The following MBD1 variants were observed in gnomAD, a reference collection of about 807,000 sequenced individuals.
The protein encoded by MBD1 is methyl-CpG-binding domain protein 1.
MBD1 carries 25 observed loss-of-function variants against 82.6 expected under a neutral mutation model. The observed-to-expected ratio is 0.30, with a 90% CI of 0.22 to 0.42. The LOEUF (loss-of-function observed/expected upper bound fraction) is 0.42, where lower values mean the gene tolerates loss of function less well. MBD1 is among the 10% of genes least tolerant of loss of function. MBD1 has a pLI of 1.00. For missense variants in MBD1, 627 were observed against 819.6 expected (o/e 0.76, Z 2.87); for synonymous variants, 301 against 303.7 (o/e 0.99, Z 0.09).
intron 13 of MBD1, 62 bp from the exon 14 acceptor site, chr18:50,273,017 A>G: frequency 6.3e-7 from 1 of 1,597,464 alleles, no homozygotes; most frequent in African/African-American, 1.3e-5. Context: ...GAAAGTCTCT[A>G]TCAGCCAACC....
At chr18:50,276,011 G>T (rs1203323287) in intron 6 of MBD1, 30 bp from the exon 7 acceptor site, 1 of 1,603,234 alleles carries the variant, frequency 6.2e-7, no homozygotes, top group Non-Finnish European at 8.5e-7. Context: ...CGAGATCACG[G>T]GCCTGCTCCA....
intron 5 of MBD1, 70 bp from the exon 6 acceptor site, chr18:50,276,488 G>T: frequency 6.5e-7 from 1 of 1,531,288 alleles, no homozygotes; most frequent in Non-Finnish European, 9.0e-7. Context: ...CTCACTGCCT[G>T]TGCCCTGACT....
chr18:50,270,012 TA>T, intron 16 of MBD1, 194 bp from the exon 17 acceptor site: 1 of 1,597,966 alleles, frequency 6.3e-7, no homozygotes, highest in Non-Finnish European at 8.5e-7. Context: ...CTCATGAGTC[TA>T]AATGTCAATC....
At chr18:50,275,784 GGGGCCAGGGGCCGA>G in intron 7 of MBD1, 37 bp downstream of exon 7, 1 of 1,614,084 alleles carries the variant, frequency 6.2e-7, no homozygotes, top group Non-Finnish European at 8.5e-7. Flanking sequence ...CAAGCCCATG[GGGGCCAGGGGCCGA>G]GGTGAGCCTT....
downstream of MBD1, chr18:50,268,727 C>G: frequency 5.1e-6 from 1 of 198,014 alleles, no homozygotes; most frequent in East Asian, 1.9e-4. Context: ...GTGAATCGCT[C>G]AGGGTCCTTG....
In MBD1 at chr18:50,269,711, G is replaced by A. The variant is rs910992516; in HGVS notation, c.*140C>T. ...TGGAGGTGGTGAGAGACTGACATGG[G>A]TTCCAGGCCATCCTCGTGGGTTCCA... On this transcript the variant is annotated 3_prime_UTR_variant, in exon 17 of 17. Coordinates refer to ENST00000269468, the MANE Select transcript of MBD1 (RefSeq NM_015846.4). The A allele has an allele frequency of 2.6e-6, 2 of 780,626 alleles. No individual in the cohort carries two copies. Among genetic ancestry groups the A allele is most frequent in the Admixed American group, 1.7e-5 (1 of 58,962 alleles). The allele number at this position is 780,626 out of a possible 1,614,324, so 48.4% of individuals were successfully genotyped here. A position where few individuals can be genotyped will look rare whatever the true frequency, so the allele number is the denominator to read the frequency against.
chr18:50,275,136 G>C lies in MBD1; in HGVS notation c.902C>G (p.Thr301Arg). The C allele has an allele frequency of 1.9e-6, 3 of 1,613,986 alleles. No homozygotes were observed. The highest frequency in any genetic ancestry group is 2.5e-6 in the Non-Finnish European group (3 of 1,179,866). The change falls in exon 9 of 17, where the codon ACA becomes AGA. Residue 301 changes from threonine (T) to arginine (R), a missense_variant. Transcript: ENST00000269468. ...PPPPSQSPEP[T>R]EPHPRALAPS... is the part of the protein sequence containing the mutation. ...CACCCACTGGGGCCTCACCGGCTCT[G>C]TGGGCTCTGGGGACTGTGATGGGGG...
upstream of MBD1, chr18:50,281,762 G>A: frequency 3.0e-6 from 1 of 329,566 alleles, no homozygotes; most frequent in East Asian, 4.7e-5. Flanking sequence ...CATCTAGCTG[G>A]CGCATGCGCT....
chr18:50,267,251 A>T (rs987816510), downstream of MBD1: 3 of 255,456 alleles, frequency 1.2e-5, no homozygotes, highest in Middle Eastern at 2.6e-3. Flanking sequence ...AATATCTTAC[A>T]GGGTTGATAG....
In MBD1 at chr18:50,271,471, T is replaced by C; in HGVS notation, c.*30A>G. On this transcript the variant is annotated splice_region_variant and 3_prime_UTR_variant, in exon 16 of 17. Transcript: ENST00000269468. ...TAAAGCCAGTCTGCAAATATCACCT[T>C]GAATCCTACAGTCTGTAGAAGCCTC... The C allele has an allele frequency of 3.1e-6, 5 of 1,614,182 alleles. No individual in the cohort carries two copies. The highest frequency in any genetic ancestry group is 4.2e-6 in the Non-Finnish European group (5 of 1,180,022).
At chr18:50,268,055 A>C (rs1269714031), downstream of MBD1, among the ~76,000 whole-genome samples, 1 of 152,238 alleles carries the variant, frequency 6.6e-6, no homozygotes, top group African/African-American at 2.4e-5. Flanking sequence ...CGTGGCCTGA[A>C]ACAGAAAACA....
chr18:50,277,456 G>C (rs571952029), intron 2 of MBD1, among the ~76,000 whole-genome samples: 1 of 151,640 alleles, frequency 6.6e-6, no homozygotes, highest in East Asian at 1.9e-4. Context: ...AGTAATACTG[G>C]AACTATTTCA....
chr18:50,270,357 G>A, intron 16 of MBD1: 1 of 622,614 alleles, frequency 1.6e-6, no homozygotes. Context: ...AATCTTTTTG[G>A]CACTTTATGA....
Position 50,268,860 on chromosome 18 carries a change from A to G in MBD1, c.*991T>C. On this transcript the variant is annotated 3_prime_UTR_variant, in exon 17 of 17. Transcript: ENST00000269468. ...AAGCATGTAAGTAAGTGGGACAATA[A>G]AAATTTAAAAATAATTTTAAAATAG... 2.1e-6 allele frequency: 2 copies of G among 952,984 alleles called. No individual in the cohort carries two copies. Among genetic ancestry groups the G allele is most frequent in the Non-Finnish European group, 2.5e-6 (2 of 800,392 alleles). 59.0% of individuals were successfully genotyped at this position (952,984 alleles called of 1,614,324 possible).
chr18:50,281,286 C>A (rs550688823), intron 1 of MBD1, 77 bp downstream of exon 1: 5 of 1,436,094 alleles, frequency 3.5e-6, no homozygotes, highest in African/African-American at 2.8e-5. Flanking sequence ...CATTCCTCCC[C>A]GTCAGCGTTC....
rs1599311755 is a variant in MBD1, at chr18:50,273,183, G to A, written c.1584+151C>T. 3.9e-6 allele frequency: 5 copies of A among 1,284,538 alleles called. No homozygotes were observed. In the East Asian group the frequency reaches 1.0e-4, roughly 26 times the overall value. The allele number at this position is 1,284,538 out of a possible 1,614,324, so 79.6% of individuals were successfully genotyped here. On this transcript the variant is annotated intron_variant, in intron 13 of 16. Transcript: ENST00000269468. Reference sequence around the variant, plus strand: ...CAAAGCTAGTTGCCTGTGGGAGGTAGGGTGTCTGTTAGACAGGCGGGGTAA... The same window carrying A: ...CAAAGCTAGTTGCCTGTGGGAGGTAAGGTGTCTGTTAGACAGGCGGGGTAA...
chr18:50,281,511 G>C lies in MBD1; in HGVS notation c.-174C>G. ...AGCGGTAGCTGTCGCCTCCGCGGCT[G>C]TTCGTTGCTCCCGGAACCGGAAGTC... is the stretch of plus-strand genomic sequence containing the variant. On this transcript the variant is annotated 5_prime_UTR_variant, in exon 1 of 17. Coordinates refer to ENST00000269468, the MANE Select transcript of MBD1 (RefSeq NM_015846.4). 1 of 577,572 alleles carries C rather than the reference G, an allele frequency of 1.7e-6. No homozygotes were observed. The highest frequency in any genetic ancestry group is 1.9e-5 in the African/African-American group (1 of 53,404). 35.8% of individuals were successfully genotyped at this position (577,572 alleles called of 1,614,324 possible).
At position 50,281,493 on chromosome 18, in the gene MBD1, G is replaced by A. The variant is rs2040253677; in HGVS notation, c.-156C>T. 8.6e-6 allele frequency: 5 copies of A among 582,498 alleles called. No individual in the cohort carries two copies. The South Asian group carries it at 1.0e-4, about 12-fold the overall frequency. 36.1% of individuals were successfully genotyped at this position (582,498 alleles called of 1,614,324 possible). On this transcript the variant is annotated 5_prime_UTR_variant, in exon 1 of 17. Coordinates refer to ENST00000269468, the MANE Select transcript of MBD1 (RefSeq NM_015846.4). ...CGCGGCCGCCTCCTCTGAAGCGGTAGCTGTCGCCTCCGCGGCTGTTCGTTG... is the reference window on the plus strand; with the variant it reads ...CGCGGCCGCCTCCTCTGAAGCGGTAACTGTCGCCTCCGCGGCTGTTCGTTG...
Position 50,272,933 on chromosome 18 carries a change from G to C in MBD1, c.1607C>G (p.Ser536Cys). ...PSKAVDPGLP[S>C]VKQEPPDPEE... Reference sequence around the variant, plus strand: ...TGGGTCAGGTGGCTCTTGCTTCACAGAAGGCAGGCCTGGGTCTACTGCCTG... The same window carrying C: ...TGGGTCAGGTGGCTCTTGCTTCACACAAGGCAGGCCTGGGTCTACTGCCTG... The change falls in exon 14 of 17, where the codon TCT becomes TGT. Residue 536 changes from serine (S) to cysteine (C), a missense_variant. Physicochemically the swap from Ser to Cys is moderately radical, Grantham distance 112 (BLOSUM62 -1). Coordinates refer to ENST00000269468, the MANE Select transcript of MBD1 (RefSeq NM_015846.4). 1 of 1,614,180 alleles carries C rather than the reference G, an allele frequency of 6.2e-7. No individual in the cohort carries two copies. Among genetic ancestry groups the C allele is most frequent in the South Asian group, 1.1e-5 (1 of 91,086 alleles).
Sources: allele counts gnomAD v4.1 joint callset (sites outside exome capture counted in the v4.1 genomes callset), GRCh38; gene constraint gnomAD v4.1.1; transcripts MANE v1.5; gene names NCBI Gene and HGNC (gene_info 2026-07-23, HGNC 2026-07-21).